Variants in CHD1L observed in about 807,000 individuals in gnomAD.
CHD1L encodes chromodomain helicase DNA binding protein 1 like.
Under a neutral mutation model 115.9 loss-of-function variants are expected in CHD1L, and 118 were observed. That is an observed-to-expected ratio of 1.02 (90% CI 0.88 to 1.19). The LOEUF (loss-of-function observed/expected upper bound fraction) is 1.19. Ranked by LOEUF, CHD1L falls within the 50% of genes most tolerant of loss-of-function variation. The probability of loss-of-function intolerance (pLI) is 0.00; values close to 1 mark genes in which losing one functional copy is unlikely to be tolerated. For missense variants in CHD1L, 1,179 were observed against 1,065.3 expected, an observed-to-expected ratio of 1.11 and a Z score of -1.49; for synonymous variants, 411 against 387.1, an observed-to-expected ratio of 1.06 and a Z score of -0.72.
At chr1:147,210,680 A>C in the CHD1L span, 1 of 152,234 alleles carries the variant, frequency 6.6e-6, no homozygotes, top group African/African-American at 2.4e-5. Context: ...AATAGTAATA[A>C]TAATAATACA....
chr1:147,264,684 A>T lies in CHD1L; in HGVS notation c.739+100A>T, dbSNP rs903419156. On this transcript the variant is annotated intron_variant, in intron 7 of 22. Coordinates refer to ENST00000369258, the MANE Select transcript of CHD1L (RefSeq NM_004284.6). ...TAGAAAAGAAGGAGAATTGATGACC[A>T]GAGGACACCTTCCAGGGAGACAGAC... The T allele has an allele frequency of 6.4e-6, 8 of 1,248,836 alleles. No homozygotes were observed. In the Admixed American group the frequency reaches 1.8e-4, roughly 27 times the overall value. The allele number at this position is 1,248,836 out of a possible 1,614,324, so 77.4% of individuals were successfully genotyped here.
chr1:147,273,910 T>A (rs1486427960), intron 12 of CHD1L, among the ~76,000 whole-genome samples: 6 of 152,218 alleles, frequency 3.9e-5, no homozygotes, highest in Non-Finnish European at 8.8e-5. Context: ...TGCCACCAGA[T>A]GGCAGTGATA....
At chr1:147,225,792 C>G in the CHD1L span, 3 of 152,220 alleles carry the variant, frequency 2.0e-5, no homozygotes, top group African/African-American at 7.2e-5. Context: ...TCCTCAGACA[C>G]CGAATTAAAG....
chr1:147,279,866 G>A (rs1680118188), intron 14 of CHD1L, among the ~76,000 whole-genome samples, 160 bp from the exon 15 acceptor site: 1 of 152,102 alleles, frequency 6.6e-6, no homozygotes, highest in South Asian at 2.1e-4. Context: ...ACTATTAAAT[G>A]GCCCTGGCTG....
At chr1:147,248,436 T>A (rs924002563) in intron 1 of CHD1L, among the ~76,000 whole-genome samples, 1 of 151,986 alleles carries the variant, frequency 6.6e-6, no homozygotes, top group Non-Finnish European at 1.5e-5. Flanking sequence ...TTGAACTCCC[T>A]ACCTCAGGAG....
intron 6 of CHD1L, chr1:147,260,839 T>C (rs2102483566): frequency 6.6e-6 from 1 of 152,336 alleles, no homozygotes; most frequent in East Asian, 1.9e-4. Flanking sequence ...GAAATACCAT[T>C]GTACCCTAGA....
rs1676525877 is a variant in CHD1L, at chr1:147,272,239, G to A, written c.1228G>A (p.Gly410Arg). The A allele has an allele frequency of 1.2e-6, 2 of 1,614,132 alleles. No individual in the cohort carries two copies. Among genetic ancestry groups the A allele is most frequent in the East Asian group, 4.5e-5 (2 of 44,880 alleles). The change falls in exon 12 of 23, where the codon GGA (glycine) becomes AGA (arginine). Residue 410 changes from glycine (G) to arginine (R), a missense_variant. Transcript: ENST00000369258. ...EERHLAIKNFGQQPIFVFLLS... is the reference protein window; with the variant it reads ...EERHLAIKNFRQQPIFVFLLS... ...GAGACACTTGGCCATTAAGAACTTT[G>A]GACAGCAGCCCATTTTCGTTTTTCT...
chr1:147,293,342 A>C (rs1553972390), intron 20 of CHD1L, among the ~76,000 whole-genome samples: 1 of 152,106 alleles, frequency 6.6e-6, no homozygotes, highest in Non-Finnish European at 1.5e-5. Flanking sequence ...AGCTTTTGGA[A>C]AGTATATGTT....
chr1:147,282,851 G>C (rs368309352), intron 15 of CHD1L, among the ~76,000 whole-genome samples: 2 of 152,108 alleles, frequency 1.3e-5, no homozygotes, highest in East Asian at 3.9e-4. Context: ...CAGTCCAACT[G>C]CCAGAAAAAA....
chr1:147,293,194 G>C (rs782740161), intron 20 of CHD1L, among the ~76,000 whole-genome samples: 4 of 152,056 alleles, frequency 2.6e-5, no homozygotes, highest in African/African-American at 9.7e-5. Context: ...GGAATTGTTC[G>C]AACAGAGATG....
At chr1:147,280,906 T>TA (rs1275279490) in intron 15 of CHD1L, among the ~76,000 whole-genome samples, 2 of 152,216 alleles carry the variant, frequency 1.3e-5, no homozygotes, top group Non-Finnish European at 2.9e-5. Flanking sequence ...TTGGGAGTCT[T>TA]ACTAGGCTTC....
At chr1:147,186,956 T>C in the CHD1L span, 1 of 1,614,200 alleles carries the variant, frequency 6.2e-7, no homozygotes, top group African/African-American at 1.3e-5. Context: ...AACTTGCCTA[T>C]TGTCATTGTT....
At chr1:147,195,984 C>T in the CHD1L span, among the ~76,000 whole-genome samples, 1 of 152,072 alleles carries the variant, frequency 6.6e-6, no homozygotes, top group Non-Finnish European at 1.5e-5. Context: ...GCATTTGCAC[C>T]ACTGGACCAA....
At chr1:147,204,552 C>A in the CHD1L span, 2 of 1,584,614 alleles carry the variant, frequency 1.3e-6, no homozygotes, top group Non-Finnish European at 1.7e-6. Flanking sequence ...CTTCTATGAC[C>A]TCTGAAACTG....
chr1:147,258,725 C>T (rs1439649002), intron 5 of CHD1L, among the ~76,000 whole-genome samples: 3 of 152,158 alleles, frequency 2.0e-5, no homozygotes, highest in Non-Finnish European at 4.4e-5. Flanking sequence ...TAAGGTGAAC[C>T]TCTGCTCAAG....
At chr1:147,293,863 T>A (rs1388102364) in intron 21 of CHD1L, 141 bp downstream of exon 21, 5 of 666,288 alleles carry the variant, frequency 7.5e-6, no homozygotes, top group Non-Finnish European at 1.0e-5. Flanking sequence ...CACCCCACCG[T>A]CTTGTAGTCA....
At chr1:147,196,461 T>C in the CHD1L span, among the ~76,000 whole-genome samples, 615 of 152,066 alleles carry the variant, frequency 4.0e-3, 3 homozygotes, top group Non-Finnish European at 5.9e-3. Flanking sequence ...ATTTCTTGAT[T>C]GTGGGAGACA....
chr1:147,188,854 G>A, the CHD1L span, among the ~76,000 whole-genome samples: 1 of 151,948 alleles, frequency 6.6e-6, no homozygotes, highest in Non-Finnish European at 1.5e-5. Context: ...GGAAAGAGAG[G>A]AGGAAAGTTA....
the CHD1L span, among the ~76,000 whole-genome samples, chr1:147,234,154 A>T: frequency 1.3e-5 from 2 of 152,084 alleles, no homozygotes; most frequent in South Asian, 4.1e-4. Flanking sequence ...TGCTCTTTTG[A>T]CCCCCACATT....
Sources: gnomAD v4.1 joint callset for allele counts (sites outside exome capture counted in the v4.1 genomes callset) on GRCh38, gnomAD v4.1.1 for gene constraint, MANE v1.5 for transcripts, NCBI Gene and HGNC (gene_info 2026-07-23, HGNC 2026-07-21) for gene names.